The following KCNQ1 variants were observed in gnomAD, a reference collection of about 807,000 sequenced individuals.
KCNQ1 encodes potassium voltage-gated channel subfamily Q member 1.
KCNQ1 carries 49 observed loss-of-function variants against 72.4 expected under a neutral mutation model. The observed-to-expected ratio is 0.68, with a 90% confidence interval of 0.54 to 0.86. The LOEUF (loss-of-function observed/expected upper bound fraction) is 0.86, where lower values mean the gene tolerates loss of function less well. Ranked by LOEUF, KCNQ1 falls within the 40% of genes least tolerant of loss-of-function variation. KCNQ1 has a pLI of 0.00. For synonymous variants in KCNQ1, 450 were observed against 412.6 expected (o/e 1.09, Z -1.10); for missense variants, 790 against 945.1 (o/e 0.84, Z 2.15).
Position 2,661,712 on chromosome 11 carries a change from GCA to G in KCNQ1, c.1394-246_1394-245del, listed in dbSNP as rs967344511. On this transcript the variant is annotated intron_variant, in intron 10 of 15. Transcript: ENST00000155840. The surrounding 1 kb of genome is among the most constrained non-coding windows in gnomAD (Gnocchi z 5.9). Reference sequence around the variant, plus strand: ...CTTGGACACCTGAGCACAGCCCCAGGCACAGTTACCACTCCGAAGATGATTCA... The same window carrying G: ...CTTGGACACCTGAGCACAGCCCCAGGCAGTTACCACTCCGAAGATGATTCA... The G allele has an allele frequency of 3.3e-6, 2 of 610,614 alleles. No homozygotes were observed. Among genetic ancestry groups the G allele is most frequent in the Admixed American group, 5.5e-5 (2 of 36,500 alleles). The allele number at this position is 610,614 out of a possible 1,614,324, so 37.8% of individuals were successfully genotyped here. A position where few individuals can be genotyped will look rare whatever the true frequency, so the allele number is the denominator to read the frequency against.
chr11:2,525,618 A>T (rs1847485402), intron 1 of KCNQ1, among the ~76,000 whole-genome samples: 1 of 152,240 alleles, frequency 6.6e-6, no homozygotes, highest in Non-Finnish European at 1.5e-5. Context: ...TTATGCAGCC[A>T]GCGCTTTGGG....
At chr11:2,780,905 A>T (rs1041829318) in intron 15 of KCNQ1, among the ~76,000 whole-genome samples, 2 of 152,118 alleles carry the variant, frequency 1.3e-5, no homozygotes, top group African/African-American at 4.8e-5. Flanking sequence ...GCTCCAACAC[A>T]GACCTCCCAA....
chr11:2,457,137 T>A lies in KCNQ1; in HGVS notation c.386+11653T>A, dbSNP rs1216558897. Among the ~76,000 whole-genome samples the A allele has an allele frequency of 6.6e-6, 1 of 151,902 alleles. No homozygotes were observed. Among genetic ancestry groups the A allele is most frequent in the Non-Finnish European group, 1.5e-5 (1 of 67,986 alleles). On this transcript the variant is annotated intron_variant, in intron 1 of 15. Coordinates refer to ENST00000155840, the MANE Select transcript of KCNQ1 (RefSeq NM_000218.3). The surrounding 1 kb of genome is among the most constrained non-coding windows in gnomAD (Gnocchi z 5.0). ...GTCAGAATGGCCTTTGTTTAAAAAG[T>A]CTCAAAACAACAGATGCTGGAGAGG...
chr11:2,671,827 TGGTTATA>T lies in KCNQ1; in HGVS notation c.1514+9750_1514+9756del. The stretch of plus-strand genomic sequence containing the variant: ...CAAATAAATCCCTGCAACCCCACTG[TGGTTATA>T]GGTCTGAGCCTTCTGCCCCAGGGAG... On this transcript the variant is annotated intron_variant, in intron 11 of 15. Transcript: ENST00000155840. The surrounding 1 kb of genome is among the most constrained non-coding windows in gnomAD (Gnocchi z 4.7). The T allele has an allele frequency of 2.5e-6, 1 of 398,706 alleles. No individual in the cohort carries two copies. Among genetic ancestry groups the T allele is most frequent in the Non-Finnish European group, 4.4e-6 (1 of 226,124 alleles). 24.7% of individuals were successfully genotyped at this position (398,706 alleles called of 1,614,324 possible). A position where few individuals can be genotyped will look rare whatever the true frequency, so the allele number is the denominator to read the frequency against.
chr11:2,837,453 C>T (rs1030904063), intron 15 of KCNQ1, among the ~76,000 whole-genome samples: 5 of 152,244 alleles, frequency 3.3e-5, no homozygotes, highest in Non-Finnish European at 5.9e-5. Flanking sequence ...CACTGTGCCA[C>T]AGAACAGACT....
chr11:2,633,511 T>G, intron 10 of KCNQ1: 1 of 398,570 alleles, frequency 2.5e-6, no homozygotes. Flanking sequence ...GGTCTCATGT[T>G]TAAGTCTCTA....
At chr11:2,644,024 A>G in intron 10 of KCNQ1, 1 of 398,444 alleles carries the variant, frequency 2.5e-6, no homozygotes, top group Non-Finnish European at 4.4e-6. Flanking sequence ...CGCTGGTTTT[A>G]TGATTCTCTC....
intron 10 of KCNQ1, among the ~76,000 whole-genome samples, chr11:2,604,959 C>G (rs1014155070): frequency 6.6e-6 from 1 of 152,180 alleles, no homozygotes; most frequent in African/African-American, 2.4e-5. Flanking sequence ...CCAACACTTG[C>G]TATTATCTTT....
In KCNQ1 at chr11:2,481,552, G is replaced by T. The variant is rs1472847332; in HGVS notation, c.386+36068G>T. Among the ~76,000 whole-genome samples, 1 of 152,212 alleles carries T rather than the reference G, an allele frequency of 6.6e-6. No individual in the cohort carries two copies. Among genetic ancestry groups the T allele is most frequent in the Non-Finnish European group, 1.5e-5 (1 of 68,038 alleles). On this transcript the variant is annotated intron_variant, in intron 1 of 15. Coordinates refer to ENST00000155840, the MANE Select transcript of KCNQ1 (RefSeq NM_000218.3). This position sits in a 1 kb window ranked among gnomAD's most constrained non-coding sequence, Gnocchi z 4.6. Reference sequence around the variant, plus strand: ...CAGTCCATGGCCTGTTAGGAACCAGGCTGCACAGCAGGAGGTGAGTGGCAG... The same window carrying T: ...CAGTCCATGGCCTGTTAGGAACCAGTCTGCACAGCAGGAGGTGAGTGGCAG...
In KCNQ1 at chr11:2,536,487, A is replaced by T. The variant is rs1302357281; in HGVS notation, c.477+8469A>T. ...GCAGTTGCCTGGCCTGTGGGGGCAG[A>T]GGACCTGGGGAGACATGCTGAGCCC... On this transcript the variant is annotated intron_variant, in intron 2 of 15. Coordinates refer to ENST00000155840, the MANE Select transcript of KCNQ1 (RefSeq NM_000218.3). This position sits in a 1 kb window ranked among gnomAD's most constrained non-coding sequence, Gnocchi z 7.4. Among the ~76,000 whole-genome samples, 1 of 152,100 alleles carries T rather than the reference A, an allele frequency of 6.6e-6. No individual in the cohort carries two copies. Among genetic ancestry groups the T allele is most frequent in the African/African-American group, 2.4e-5 (1 of 41,412 alleles).
At position 2,817,783 on chromosome 11, in the gene KCNQ1, AT is replaced by A. The variant is rs1847648527; in HGVS notation, c.1795-29983del. Among the ~76,000 whole-genome samples the A allele has an allele frequency of 2.0e-5, 3 of 152,182 alleles. No homozygotes were observed. The South Asian group carries it at 6.2e-4, about 32-fold the overall frequency. On this transcript the variant is annotated intron_variant, in intron 15 of 15. Coordinates refer to ENST00000155840, the MANE Select transcript of KCNQ1 (RefSeq NM_000218.3). This position sits in a 1 kb window ranked among gnomAD's most constrained non-coding sequence, Gnocchi z 6.1. Reference sequence around the variant, plus strand: ...GATACATTAGACTCAAAGAGACATGATATCCCCTTGGGCTGCAACTTAAATT... The same window carrying A: ...GATACATTAGACTCAAAGAGACATGAATCCCCTTGGGCTGCAACTTAAATT...
chr11:2,735,902 G>A lies in KCNQ1; in HGVS notation c.1515-32942G>A, dbSNP rs1845947742. Among the ~76,000 whole-genome samples, 1 of 152,170 alleles carries A rather than the reference G, an allele frequency of 6.6e-6. No homozygotes were observed. The highest frequency in any genetic ancestry group is 6.5e-5 in the Admixed American group (1 of 15,284). The stretch of plus-strand genomic sequence containing the variant: ...ATTCTGCTTTAATTACTTCTTATAA[G>A]ACCCCATCTCCAGACACACAGTCAC... On this transcript the variant is annotated intron_variant, in intron 11 of 15. Coordinates refer to ENST00000155840, the MANE Select transcript of KCNQ1 (RefSeq NM_000218.3). The surrounding 1 kb of genome is among the most constrained non-coding windows in gnomAD (Gnocchi z 7.7).
In KCNQ1 at chr11:2,781,792, T is replaced by G. The variant is rs1846827021; in HGVS notation, c.1794+3755T>G. Among the ~76,000 whole-genome samples the G allele has an allele frequency of 6.6e-6, 1 of 152,212 alleles. No homozygotes were observed. Among genetic ancestry groups the G allele is most frequent in the Admixed American group, 6.5e-5 (1 of 15,280 alleles). The stretch of plus-strand genomic sequence containing the variant: ...TTCTTCTCTGTTTTTGCCGGAAATG[T>G]TCATGGCTGAGAGCCGGACACAGGG... On this transcript the variant is annotated intron_variant, in intron 15 of 15. Transcript: ENST00000155840. This position sits in a 1 kb window ranked among gnomAD's most constrained non-coding sequence, Gnocchi z 6.6.
intron 11 of KCNQ1, chr11:2,675,799 C>T (rs2073954): frequency 0.014 from 5,588 of 398,726 alleles, 189 homozygotes; most frequent in East Asian, 0.094. Context: ...CAGGGCATAC[C>T]AGCCACGTGC....
intron 15 of KCNQ1, among the ~76,000 whole-genome samples, chr11:2,792,825 G>T (rs1473128482): frequency 1.3e-5 from 2 of 152,202 alleles, no homozygotes; most frequent in Admixed American, 6.5e-5. Flanking sequence ...GTTCTTGCAC[G>T]TTCAGGATTA....
intron 15 of KCNQ1, among the ~76,000 whole-genome samples, chr11:2,819,482 G>A (rs1450136832): frequency 2.0e-5 from 3 of 152,226 alleles, no homozygotes; most frequent in African/African-American, 7.2e-5. Context: ...GAGCCTTCCT[G>A]ACATTGAACC....
chr11:2,702,360 G>C (rs1172145427), intron 11 of KCNQ1, among the ~76,000 whole-genome samples: 1 of 152,208 alleles, frequency 6.6e-6, no homozygotes. Context: ...CTGTCTCCCA[G>C]CCTTTGTTGT....
In KCNQ1 at chr11:2,471,163, G is replaced by C. The variant is rs1177011407; in HGVS notation, c.386+25679G>C. 2.0e-5 allele frequency among the ~76,000 whole-genome samples: 3 copies of C among 151,982 alleles called. No homozygotes were observed. The highest frequency in any genetic ancestry group is 7.3e-5 in the African/African-American group (3 of 41,362). On this transcript the variant is annotated intron_variant, in intron 1 of 15. Coordinates refer to ENST00000155840, the MANE Select transcript of KCNQ1 (RefSeq NM_000218.3). This position sits in a 1 kb window ranked among gnomAD's most constrained non-coding sequence, Gnocchi z 4.8. ...ATCTCCCAACGGCTGGGGAACAAGG[G>C]CTGACTCGGCTGCAATCATCCTGCA...
chr11:2,697,691 G>A (rs966536531), intron 11 of KCNQ1: 5 of 398,514 alleles, frequency 1.3e-5, no homozygotes, highest in Admixed American at 4.4e-5. Context: ...TCTGATATTG[G>A]ATCATCTTTG....
Sources: gnomAD v4.1 joint callset for allele counts (sites outside exome capture counted in the v4.1 genomes callset) on GRCh38, gnomAD v4.1.1 for gene constraint, Gnocchi (gnomAD v3.1) non-coding constraint, MANE v1.5 for transcripts, NCBI Gene and HGNC (gene_info 2026-07-23, HGNC 2026-07-21) for gene names.